Variants in MOV10 observed in about 807,000 individuals in gnomAD.
MOV10 encodes RNA helicase MOV-10.
Under a neutral mutation model 108.4 loss-of-function variants are expected in MOV10, and 39 were observed. That is an observed-to-expected ratio of 0.36 (90% CI 0.28 to 0.47). The LOEUF (loss-of-function observed/expected upper bound fraction) is 0.47. Among genes scored for constraint, MOV10 ranks in the 20% least tolerant of loss-of-function variants. The pLI is 1.00. For synonymous variants in MOV10, 490 were observed against 523.1 expected, an observed-to-expected ratio of 0.94 and a Z score of 0.86; for missense variants, 952 against 1,297.6, an observed-to-expected ratio of 0.73 and a Z score of 4.09.
intron 17 of MOV10, 36 bp from the exon 18 acceptor site, chr1:112,699,649 C>T (rs752472130): frequency 6.2e-7 from 1 of 1,613,566 alleles, no homozygotes. Flanking sequence ...TTTGACACCC[C>T]TGGCTGGTCT....
chr1:112,688,221 A>T, intron 2 of MOV10: 5 of 336,478 alleles, frequency 1.5e-5, no homozygotes, highest in Non-Finnish European at 2.1e-5. Flanking sequence ...TCTGGCACAT[A>T]ACAGGCCTCC....
intron 2 of MOV10, among the ~76,000 whole-genome samples, chr1:112,685,688 T>A (rs544653431): frequency 5.0e-5 from 6 of 119,482 alleles, no homozygotes; most frequent in South Asian, 6.3e-4. Context: ...AAATAAAATA[T>A]AAAATAAAAT....
Position 112,700,650 on chromosome 1 carries a change from C to G in MOV10, c.*143C>G. Reference sequence around the variant, plus strand: ...AACCCAAGCCATTCCACCCCCTCCCCTGCTGGGGAGAATGACACATCAAGC... The same window carrying G: ...AACCCAAGCCATTCCACCCCCTCCCGTGCTGGGGAGAATGACACATCAAGC... On this transcript the variant is annotated 3_prime_UTR_variant, in exon 21 of 21. Transcript: ENST00000369645. 1.3e-6 allele frequency: 2 copies of G among 1,539,188 alleles called. No homozygotes were observed. Among genetic ancestry groups the G allele is most frequent in the Non-Finnish European group, 1.7e-6 (2 of 1,145,412 alleles).
chr1:112,693,666 GTT>G (rs56664526), intron 7 of MOV10: 29,130 of 136,848 alleles, frequency 0.21, 3,347 homozygotes, highest in East Asian at 0.46. Context: ...TGCCTGGTCC[GTT>G]TTTTTTTTTT....
intron 2 of MOV10, among the ~76,000 whole-genome samples, chr1:112,681,833 A>G (rs1354137347): frequency 6.6e-6 from 1 of 151,084 alleles, no homozygotes; most frequent in Admixed American, 6.6e-5. Flanking sequence ...ATTTAGCGTG[A>G]TTATTATCAG....
chr1:112,690,598 G>A (rs1213780813), intron 5 of MOV10, among the ~76,000 whole-genome samples: 1 of 152,098 alleles, frequency 6.6e-6, no homozygotes, highest in African/African-American at 2.4e-5. Flanking sequence ...GACCTCAAGT[G>A]ATCCGCCAGC....
At chr1:112,686,192 A>G (rs1039618602) in intron 2 of MOV10, among the ~76,000 whole-genome samples, 7 of 152,204 alleles carry the variant, frequency 4.6e-5, no homozygotes, top group African/African-American at 1.7e-4. Context: ...AGGGATATGC[A>G]TGCAGTATTC....
chr1:112,689,781 G>A (rs956363616), intron 4 of MOV10, 59 bp from the exon 5 acceptor site: 33 of 1,591,638 alleles, frequency 2.1e-5, no homozygotes, highest in South Asian at 1.1e-4. Flanking sequence ...GGGAGTGTCC[G>A]GGATAAGGAT....
At chr1:112,696,348 G>A (rs1674088156) in intron 12 of MOV10, 89 bp from the exon 13 acceptor site, 3 of 1,422,912 alleles carry the variant, frequency 2.1e-6, no homozygotes, top group Non-Finnish European at 3.0e-6. Context: ...GAGTGGGGTG[G>A]TGGGTGCTGA....
chr1:112,675,883 G>A lies in MOV10; in HGVS notation c.137+834G>A, dbSNP rs1248965703. 6.6e-6 allele frequency among the ~76,000 whole-genome samples: 1 copy of A among 152,200 alleles called. No homozygotes were observed. The highest frequency in any genetic ancestry group is 1.5e-5 in the Non-Finnish European group (1 of 68,042). ...GACTTGTACAAATAAACATAAGGTA[G>A]TGGGAATCTGGGCTTAATAACAGAC... On this transcript the variant is annotated intron_variant, in intron 2 of 20. Coordinates refer to ENST00000369645, the MANE Select transcript of MOV10 (RefSeq NM_001321324.2). The surrounding 1 kb of genome is among the most constrained non-coding windows in gnomAD (Gnocchi z 4.7).
At chr1:112,679,102 AAATCT>A (rs1672426870) in intron 2 of MOV10, among the ~76,000 whole-genome samples, 1 of 152,126 alleles carries the variant, frequency 6.6e-6, no homozygotes, top group South Asian at 2.1e-4. Flanking sequence ...GATCACTTCC[AAATCT>A]GATCATATGT....
At chr1:112,678,137 G>A (rs1672342152) in intron 2 of MOV10, among the ~76,000 whole-genome samples, 1 of 152,090 alleles carries the variant, frequency 6.6e-6, no homozygotes, top group African/African-American at 2.4e-5. Context: ...GTAAGAGTAT[G>A]TAAAATAGTA....
At chr1:112,678,305 G>A (rs761183299) in intron 2 of MOV10, among the ~76,000 whole-genome samples, 1 of 152,052 alleles carries the variant, frequency 6.6e-6, no homozygotes. Flanking sequence ...TCACGAAAAG[G>A]TTTCTGAGAG....
At chr1:112,692,727 G>C (rs1244087517) in intron 6 of MOV10, 34 bp from the exon 7 acceptor site, 4 of 1,610,974 alleles carry the variant, frequency 2.5e-6, no homozygotes, top group Non-Finnish European at 3.4e-6. Flanking sequence ...TCCTGTTCCT[G>C]CCCCCACTCA....
chr1:112,687,096 G>A (rs1024749263), intron 2 of MOV10: 4 of 452,200 alleles, frequency 8.8e-6, no homozygotes, highest in South Asian at 3.1e-5. Context: ...AGCCTCTGAC[G>A]TGGGCTGAAA....
rs762566479 is a variant in MOV10, at chr1:112,694,702, TG to T, written c.1473-44del. ...CAGGGGGTGGAGTCAGGGAGGCCTC[TG>T]GGTCACTGGATGACTTCAAGTTCAC... On this transcript the variant is annotated intron_variant, in intron 9 of 20. Transcript: ENST00000369645. The surrounding 1 kb of genome is among the most constrained non-coding windows in gnomAD (Gnocchi z 4.1). The T allele has an allele frequency of 1.9e-6, 3 of 1,602,986 alleles. No homozygotes were observed. Among genetic ancestry groups the T allele is most frequent in the Non-Finnish European group, 1.7e-6 (2 of 1,172,682 alleles).
intron 17 of MOV10, 95 bp downstream of exon 17, chr1:112,698,884 C>T: frequency 1.0e-6 from 1 of 1,003,076 alleles, no homozygotes; most frequent in South Asian, 1.3e-5. Flanking sequence ...AGCCCACGTC[C>T]CCGTCCCACC....
At chr1:112,691,859 A>G (rs1195702784) in intron 6 of MOV10, 60 bp downstream of exon 6, 1 of 1,572,120 alleles carries the variant, frequency 6.4e-7, no homozygotes, top group Non-Finnish European at 8.7e-7. Context: ...GCTTCTTTGC[A>G]TTGCCCTGGC....
intron 2 of MOV10, chr1:112,687,022 A>G (rs970634551): frequency 2.6e-5 from 12 of 456,360 alleles, no homozygotes; most frequent in Non-Finnish European, 3.5e-5. Flanking sequence ...CTGAAATGCA[A>G]ATATGATCTT....
Sources: gnomAD v4.1 joint callset for allele counts (sites outside exome capture counted in the v4.1 genomes callset) on GRCh38, gnomAD v4.1.1 for gene constraint, Gnocchi (gnomAD v3.1) non-coding constraint, MANE v1.5 for transcripts, NCBI Gene and HGNC (gene_info 2026-07-23, HGNC 2026-07-21) for gene names.